The following KHDRBS2 variants were observed in gnomAD, a reference collection of about 807,000 sequenced individuals.
KHDRBS2 encodes the protein KH RNA binding domain containing, signal transduction associated 2.
In KHDRBS2, 26 loss-of-function variants were observed where a neutral mutation model predicts 44.3. That is an observed-to-expected ratio of 0.59 (90% CI 0.43 to 0.81). The LOEUF (loss-of-function observed/expected upper bound fraction) is 0.81, where lower values mean the gene tolerates loss of function less well. Among genes scored for constraint, KHDRBS2 ranks in the 40% least tolerant of loss-of-function variants. The probability of loss-of-function intolerance (pLI) is 0.00; values close to 1 mark genes in which losing one functional copy is unlikely to be tolerated. For missense variants in KHDRBS2, 476 were observed against 433.1 expected (o/e 1.10, Z -0.88); for synonymous variants, 194 against 151.1 (o/e 1.28, Z -2.08).
chr6:61,799,578 T>A (rs2127588957), intron 6 of KHDRBS2, among the ~76,000 whole-genome samples: 1 of 152,136 alleles, frequency 6.6e-6, no homozygotes, highest in Middle Eastern at 3.4e-3. Flanking sequence ...GTTGTTTTCC[T>A]TCCAACTAGA....
chr6:61,944,307 G>C (rs1410524653), intron 4 of KHDRBS2, among the ~76,000 whole-genome samples: 1 of 152,052 alleles, frequency 6.6e-6, no homozygotes. Flanking sequence ...ACACACAATG[G>C]AATACTATTA....
At chr6:62,064,921 A>T (rs527458660) in intron 2 of KHDRBS2, among the ~76,000 whole-genome samples, 1 of 151,116 alleles carries the variant, frequency 6.6e-6, no homozygotes, top group Admixed American at 6.6e-5. Context: ...CAATGAACTC[A>T]AACAAATTTA....
At chr6:61,719,082 T>A (rs1771918571) in intron 7 of KHDRBS2, among the ~76,000 whole-genome samples, 1 of 152,216 alleles carries the variant, frequency 6.6e-6, no homozygotes, top group Non-Finnish European at 1.5e-5. Context: ...AAGGGAGGCT[T>A]CTTTTCCTAG....
chr6:61,795,333 C>A (rs1785181700), intron 6 of KHDRBS2, among the ~76,000 whole-genome samples: 2 of 151,582 alleles, frequency 1.3e-5, no homozygotes, highest in Non-Finnish European at 2.9e-5. Context: ...CAGCAAAAAC[C>A]CAACACAAAA....
chr6:61,983,856 C>A (rs540295729), intron 3 of KHDRBS2, among the ~76,000 whole-genome samples: 1 of 152,298 alleles, frequency 6.6e-6, no homozygotes, highest in African/African-American at 2.4e-5. Flanking sequence ...ATAAACCACT[C>A]TTACGGGTTA....
At chr6:61,741,588 G>T (rs536982978) in intron 6 of KHDRBS2, among the ~76,000 whole-genome samples, 3 of 151,782 alleles carry the variant, frequency 2.0e-5, no homozygotes, top group Non-Finnish European at 4.4e-5. Context: ...AGTGAGTATA[G>T]GACTCAATAG....
intron 2 of KHDRBS2, among the ~76,000 whole-genome samples, chr6:62,128,940 TAACA>T (rs1268166319): frequency 1.3e-5 from 2 of 152,018 alleles, no homozygotes. Flanking sequence ...TGCAGTAACA[TAACA>T]AAGTTTCAGA....
intron 6 of KHDRBS2, among the ~76,000 whole-genome samples, chr6:61,806,757 T>G (rs1425727885): frequency 2.0e-5 from 3 of 152,090 alleles, no homozygotes; most frequent in Admixed American, 2.0e-4. Flanking sequence ...AAAAAAGGCC[T>G]AATTTCTATA....
chr6:62,190,397 T>C (rs933283457), intron 1 of KHDRBS2, among the ~76,000 whole-genome samples: 1 of 152,116 alleles, frequency 6.6e-6, no homozygotes, highest in African/African-American at 2.4e-5. Flanking sequence ...TTACCCTGGT[T>C]CATTGCCTTC....
chr6:62,084,803 C>T (rs1454711136), intron 2 of KHDRBS2, among the ~76,000 whole-genome samples: 1 of 152,046 alleles, frequency 6.6e-6, no homozygotes, highest in African/African-American at 2.4e-5. Context: ...AAAGTACCCC[C>T]AAGAAATAGT....
intron 3 of KHDRBS2, among the ~76,000 whole-genome samples, chr6:62,000,723 G>C (rs553264923): frequency 9.9e-5 from 15 of 152,242 alleles, no homozygotes; most frequent in Non-Finnish European, 1.9e-4. Flanking sequence ...CAGGAAGGTA[G>C]AGCACTTCAG....
intron 2 of KHDRBS2, among the ~76,000 whole-genome samples, chr6:62,128,454 A>C (rs997268547): frequency 6.6e-6 from 1 of 152,092 alleles, no homozygotes; most frequent in Non-Finnish European, 1.5e-5. Context: ...GTTTTAATAG[A>C]TATCTTACTG....
chr6:61,677,806 T>G (rs115791098), downstream of KHDRBS2, among the ~76,000 whole-genome samples: 403 of 151,932 alleles, frequency 2.7e-3, 1 homozygote, highest in African/African-American at 8.3e-3. Context: ...ACACATTGAA[T>G]TTTTCCAGCT....
chr6:62,213,217 T>A (rs114733434), intron 1 of KHDRBS2, among the ~76,000 whole-genome samples: 1 of 152,156 alleles, frequency 6.6e-6, no homozygotes, highest in African/African-American at 2.4e-5. Flanking sequence ...TCAGTTTCAA[T>A]ATTTTTTTGC....
rs1766761064 is a variant in KHDRBS2 at position 61,955,476 on chromosome 6, ACATATG to A, written c.483+22584_483+22589del. On this transcript the variant is annotated intron_variant, in intron 4 of 8. Coordinates refer to ENST00000281156, the MANE Select transcript of KHDRBS2 (RefSeq NM_152688.4). ...TATATATACATATGTGTATATATAC[ACATATG>A]TATGTATGTATACATGTGTATATAT... 2.7e-4 allele frequency among the ~76,000 whole-genome samples: 14 copies of A among 51,964 alleles called. 1 individual carries two copies. Among genetic ancestry groups the A allele is most frequent in the African/African-American group, 1.1e-3 (13 of 11,452 alleles). 34.1% of individuals were successfully genotyped at this position (51,964 alleles called of 152,430 possible).
chr6:62,132,415 C>T (rs560129204), intron 2 of KHDRBS2, among the ~76,000 whole-genome samples: 1 of 152,288 alleles, frequency 6.6e-6, no homozygotes, highest in South Asian at 2.1e-4. Context: ...AATGCATATT[C>T]TTGCCTCTCC....
intron 3 of KHDRBS2, among the ~76,000 whole-genome samples, chr6:61,993,668 TATA>T (rs1265194988): frequency 2.4e-5 from 3 of 122,620 alleles, no homozygotes; most frequent in African/African-American, 8.7e-5. Flanking sequence ...TATATATATA[TATA>T]TATTTTTTTT....
At chr6:62,172,698 G>GAA (rs33984802) in intron 2 of KHDRBS2, among the ~76,000 whole-genome samples, 35,306 of 73,150 alleles carry the variant, frequency 0.48, 8,907 homozygotes, top group Non-Finnish European at 0.59. Flanking sequence ...CCAGCAAACT[G>GAA]AAAAAAAAAA....
chr6:61,967,806 T>TTCTC (rs557953853), intron 4 of KHDRBS2, among the ~76,000 whole-genome samples: 1 of 144,934 alleles, frequency 6.9e-6, no homozygotes, highest in African/African-American at 2.5e-5. Context: ...AGAATCTCCC[T>TTCTC]TCTCTCTCTC....
Sources: allele counts gnomAD v4.1 joint callset (sites outside exome capture counted in the v4.1 genomes callset), GRCh38; gene constraint gnomAD v4.1.1; transcripts MANE v1.5; gene names NCBI Gene and HGNC (gene_info 2026-07-23, HGNC 2026-07-21).